The following NFAM1 variants were observed in gnomAD, a reference collection of about 807,000 sequenced individuals.
NFAM1 encodes NFAT activation molecule 1.
Under a neutral mutation model 29.0 loss-of-function variants are expected in NFAM1, and 17 were observed. That is an observed-to-expected ratio of 0.59 (90% CI 0.40 to 0.88). The LOEUF (loss-of-function observed/expected upper bound fraction) is 0.88, where lower values mean the gene tolerates loss of function less well. Ranked by LOEUF, NFAM1 falls within the 40% of genes least tolerant of loss-of-function variation. The pLI is 0.00. For missense variants in NFAM1, 324 were observed against 344.6 expected (o/e 0.94, Z 0.47); for synonymous variants, 175 against 147.2 (o/e 1.19, Z -1.36).
chr22:42,382,259 T>C lies in NFAM1; in HGVS notation c.*2902A>G, dbSNP rs1392303997. ...TTAGTAGAGACGGGGTTTCACCACG[T>C]TGGCCAGGCTGGTCTCAAACTCCTG... On this transcript the variant is annotated 3_prime_UTR_variant, in exon 6 of 6. Transcript: ENST00000329021. The C allele has an allele frequency of 6.6e-6, 1 of 152,268 alleles. No homozygotes were observed. Among genetic ancestry groups the C allele is most frequent in the African/African-American group, 2.4e-5 (1 of 41,432 alleles). 9.4% of individuals were successfully genotyped at this position (152,268 alleles called of 1,614,324 possible).
intron 1 of NFAM1, among the ~76,000 whole-genome samples, chr22:42,426,382 G>T (rs1375052780): frequency 1.3e-5 from 2 of 152,172 alleles, no homozygotes; most frequent in Non-Finnish European, 1.5e-5. Flanking sequence ...AACAGCCAGG[G>T]TCAGCATTCC....
At chr22:42,420,555 C>T (rs760038477) in intron 1 of NFAM1, among the ~76,000 whole-genome samples, 101 of 152,052 alleles carry the variant, frequency 6.6e-4, no homozygotes, top group Admixed American at 2.4e-3. Flanking sequence ...CACTAGAGGT[C>T]AGGAGTTCAA....
At chr22:42,399,239 G>A (rs11090096) in intron 3 of NFAM1, among the ~76,000 whole-genome samples, 34,118 of 151,682 alleles carry the variant, frequency 0.22, 4,800 homozygotes, top group African/African-American at 0.36. Flanking sequence ...CTGAGATCAG[G>A]AGTTTGAGAC....
intron 5 of NFAM1, among the ~76,000 whole-genome samples, chr22:42,386,504 C>T (rs1204993091): frequency 2.0e-5 from 3 of 152,068 alleles, no homozygotes; most frequent in Non-Finnish European, 4.4e-5. Flanking sequence ...TCACAGAACC[C>T]TGACCAGGCC....
At chr22:42,429,632 T>C (rs1195877424) in intron 1 of NFAM1, among the ~76,000 whole-genome samples, 1 of 151,664 alleles carries the variant, frequency 6.6e-6, no homozygotes, top group Non-Finnish European at 1.5e-5. Flanking sequence ...AATAAATAAA[T>C]AAAAAATCAA....
At chr22:42,427,897 C>T (rs1930674053) in intron 1 of NFAM1, among the ~76,000 whole-genome samples, 1 of 152,090 alleles carries the variant, frequency 6.6e-6, no homozygotes, top group Non-Finnish European at 1.5e-5. Flanking sequence ...GGGCACGGAG[C>T]GGGGCAGTGT....
At chr22:42,420,463 C>A (rs938270990) in intron 1 of NFAM1, among the ~76,000 whole-genome samples, 12 of 151,290 alleles carry the variant, frequency 7.9e-5, no homozygotes, top group African/African-American at 2.7e-4. Context: ...CAAAGAGAGA[C>A]CCTCTCTCAA....
chr22:42,399,465 AAAG>A (rs1021100324), intron 3 of NFAM1, among the ~76,000 whole-genome samples: 18 of 101,154 alleles, frequency 1.8e-4, no homozygotes, highest in African/African-American at 8.1e-4. Context: ...AAAAAAAAAG[AAAG>A]AAAGAAAAAA....
intron 1 of NFAM1, among the ~76,000 whole-genome samples, chr22:42,427,842 C>A (rs1252993343): frequency 6.6e-6 from 1 of 152,092 alleles, no homozygotes; most frequent in Non-Finnish European, 1.5e-5. Flanking sequence ...AAAGAAATGC[C>A]AGTAAGTGAT....
rs914873451 is a variant in NFAM1, at chr22:42,381,410, G to A, written c.*3751C>T. Reference sequence around the variant, plus strand: ...AGGGATGCCTGGGGGTGCCAGACGTGGCTGAGATGTTTCTGCAGAGGGGAG... The same window carrying A: ...AGGGATGCCTGGGGGTGCCAGACGTAGCTGAGATGTTTCTGCAGAGGGGAG... On this transcript the variant is annotated 3_prime_UTR_variant, in exon 6 of 6. Coordinates refer to ENST00000329021, the MANE Select transcript of NFAM1 (RefSeq NM_145912.8). 4 of 152,698 alleles carry A rather than the reference G, an allele frequency of 2.6e-5. No homozygotes were observed. The highest frequency in any genetic ancestry group is 2.1e-4 in the South Asian group (1 of 4,832). The allele number at this position is 152,698 out of a possible 1,614,324, so 9.5% of individuals were successfully genotyped here.
At chr22:42,391,815 C>A (rs930848202) in intron 4 of NFAM1, among the ~76,000 whole-genome samples, 1 of 151,678 alleles carries the variant, frequency 6.6e-6, no homozygotes, top group Non-Finnish European at 1.5e-5. Flanking sequence ...TGTGGTAGTG[C>A]GCACCTGTAA....
chr22:42,427,178 C>T (rs1015376564), intron 1 of NFAM1, among the ~76,000 whole-genome samples: 5 of 152,140 alleles, frequency 3.3e-5, no homozygotes, highest in African/African-American at 7.2e-5. Flanking sequence ...CTGTTGCCCA[C>T]GTCCCCACTA....
At chr22:42,420,226 T>C (rs1930403046) in intron 1 of NFAM1, among the ~76,000 whole-genome samples, 1 of 151,748 alleles carries the variant, frequency 6.6e-6, no homozygotes, top group African/African-American at 2.4e-5. Flanking sequence ...GCCAGGCTAG[T>C]CTCGAACTCC....
chr22:42,432,646 C>A (rs1174209359), upstream of NFAM1, among the ~76,000 whole-genome samples: 1 of 152,156 alleles, frequency 6.6e-6, no homozygotes, highest in Admixed American at 6.5e-5. Context: ...GCAGGGGCCC[C>A]GTCCAGGAGA....
chr22:42,397,029 G>A (rs575634376), intron 4 of NFAM1, among the ~76,000 whole-genome samples: 1 of 150,270 alleles, frequency 6.7e-6, no homozygotes, highest in African/African-American at 2.5e-5. Context: ...AGCCCACCTG[G>A]CGGTGCCAGA....
At chr22:42,431,027 C>T (rs1302885329) in intron 1 of NFAM1, among the ~76,000 whole-genome samples, 5 of 152,298 alleles carry the variant, frequency 3.3e-5, no homozygotes, top group Admixed American at 2.6e-4. Context: ...GAGGTACACA[C>T]AGGTCAGCCT....
intron 3 of NFAM1, among the ~76,000 whole-genome samples, chr22:42,404,544 C>A (rs149868707): frequency 3.2e-4 from 49 of 152,234 alleles, no homozygotes; most frequent in African/African-American, 9.6e-4. Flanking sequence ...ATCAGCCGTT[C>A]TCCCCAGGTA....
At chr22:42,399,676 G>C (rs1929662637) in intron 3 of NFAM1, among the ~76,000 whole-genome samples, 1 of 152,116 alleles carries the variant, frequency 6.6e-6, no homozygotes, top group Non-Finnish European at 1.5e-5. Flanking sequence ...TGCTGGGAAG[G>C]TGAAGGCTGG....
In NFAM1 at chr22:42,410,783, T is replaced by A. The variant is rs1315832461; in HGVS notation, c.451+624A>T. Among the ~76,000 whole-genome samples, 3 of 152,012 alleles carry A rather than the reference T, an allele frequency of 2.0e-5. No homozygotes were observed. In the South Asian group the frequency reaches 6.2e-4, roughly 32 times the overall value. On this transcript the variant is annotated intron_variant, in intron 2 of 5. Coordinates refer to ENST00000329021, the MANE Select transcript of NFAM1 (RefSeq NM_145912.8). The stretch of plus-strand genomic sequence containing the variant: ...CAAATACATACATGCACATACCTAG[T>A]TCTGCAGAAGTTCCCCCACCATGAT...
Sources: allele counts gnomAD v4.1 joint callset (sites outside exome capture counted in the v4.1 genomes callset), GRCh38; gene constraint gnomAD v4.1.1; transcripts MANE v1.5; gene names NCBI Gene and HGNC (gene_info 2026-07-23, HGNC 2026-07-21).